The following GALC variants were observed in gnomAD, a reference collection of about 807,000 sequenced individuals.
GALC encodes galactocerebrosidase.
A neutral mutation model predicts 91.8 loss-of-function variants in GALC; 77 were observed. The observed-to-expected ratio is 0.84, with a 90% CI of 0.70 to 1.01. The LOEUF (loss-of-function observed/expected upper bound fraction) is 1.01. Ranked by LOEUF, GALC falls within the 50% of genes least tolerant of loss-of-function variation. The pLI, the probability that GALC is intolerant of heterozygous loss-of-function variation, is 0.00. For synonymous variants in GALC, 357 were observed against 306.7 expected, an observed-to-expected ratio of 1.16 and a Z score of -1.71; for missense variants, 882 against 855.9, an observed-to-expected ratio of 1.03 and a Z score of -0.38.
intron 2 of GALC, 90 bp from the exon 3 acceptor site, chr14:87,988,297 CA>C: frequency 7.4e-7 from 1 of 1,359,164 alleles, no homozygotes. Flanking sequence ...TTTACAGACG[CA>C]AAAACAAAAG....
intron 11 of GALC, among the ~76,000 whole-genome samples, 189 bp from the exon 12 acceptor site, chr14:87,950,120 TCTAAACA>T (rs1436508073): frequency 6.6e-6 from 1 of 152,030 alleles, no homozygotes; most frequent in Non-Finnish European, 1.5e-5. Context: ...TACTTTATTC[TCTAAACA>T]CTAAAGAATT....
In GALC at chr14:87,937,148, A is replaced by C. The variant is rs115256851; in HGVS notation, c.1912-2270T>G. Among the ~76,000 whole-genome samples the C allele has an allele frequency of 4.3e-3, 657 of 151,774 alleles. 4 individuals carry two copies. Among genetic ancestry groups the C allele is most frequent in the African/African-American group, 0.015 (623 of 41,406 alleles). Reference sequence around the variant, plus strand: ...AATCCTCACATTAGCTGTAATTTGGAATATGGGCAACATAGAAGATGATGT... The same window carrying C: ...AATCCTCACATTAGCTGTAATTTGGCATATGGGCAACATAGAAGATGATGT... On this transcript the variant is annotated intron_variant, in intron 16 of 16. Transcript: ENST00000261304.
intron 10 of GALC, among the ~76,000 whole-genome samples, chr14:87,962,590 C>T (rs1885852727): frequency 2.9e-5 from 1 of 34,936 alleles, no homozygotes; most frequent in South Asian, 6.8e-4. Flanking sequence ...CACACACACA[C>T]ACACACACAC....
At chr14:87,992,053 T>C (rs920934440) in intron 1 of GALC, among the ~76,000 whole-genome samples, 2 of 151,918 alleles carry the variant, frequency 1.3e-5, no homozygotes, top group Non-Finnish European at 2.9e-5. Flanking sequence ...AATGAAAACA[T>C]AAAAATCAAA....
intron 13 of GALC, among the ~76,000 whole-genome samples, chr14:87,946,147 C>A (rs1885062408): frequency 6.6e-6 from 1 of 151,960 alleles, no homozygotes; most frequent in African/African-American, 2.4e-5. Context: ...CAGCACCTGG[C>A]AAGGGCTCAA....
In GALC at chr14:87,934,498, T is replaced by A. The variant is rs914585505; in HGVS notation, c.*234A>T. The stretch of plus-strand genomic sequence containing the variant: ...GGGTATGGCCAATGCACAGTTTGAA[T>A]GTTAGGGAACACACCAGGTAATGTT... On this transcript the variant is annotated 3_prime_UTR_variant, in exon 17 of 17. Transcript: ENST00000261304. 1.4e-6 allele frequency: 2 copies of A among 1,403,794 alleles called. No homozygotes were observed. Among genetic ancestry groups the A allele is most frequent in the African/African-American group, 1.4e-5 (1 of 69,040 alleles). 87.0% of individuals were successfully genotyped at this position (1,403,794 alleles called of 1,614,324 possible). A position where few individuals can be genotyped will look rare whatever the true frequency, so the allele number is the denominator to read the frequency against.
At position 87,941,572 on chromosome 14, in the gene GALC, C is replaced by T. The variant is rs749724769; in HGVS notation, c.1671-14G>A. On this transcript the variant is annotated splice_polypyrimidine_tract_variant and intron_variant, in intron 14 of 16. Transcript: ENST00000261304. ...GTCAGATTGGTCCTGCAAAATAAAA[C>T]GGTTGATTAGTACTCTTTAAAATAT... 3.3e-6 allele frequency: 5 copies of T among 1,522,676 alleles called. No individual in the cohort carries two copies. Among genetic ancestry groups the T allele is most frequent in the East Asian group, 2.3e-5 (1 of 44,336 alleles). 94.3% of individuals were successfully genotyped at this position (1,522,676 alleles called of 1,614,324 possible). A position where few individuals can be genotyped will look rare whatever the true frequency, so the allele number is the denominator to read the frequency against.
intron 10 of GALC, chr14:87,953,990 T>C: frequency 3.7e-6 from 6 of 1,609,436 alleles, no homozygotes; most frequent in Non-Finnish European, 5.1e-6. Flanking sequence ...CAGTGTTTCT[T>C]GGAGATATAA....
intron 11 of GALC, 40 bp from the exon 12 acceptor site, chr14:87,949,971 T>C (rs773552674): frequency 3.0e-6 from 3 of 984,852 alleles, no homozygotes; most frequent in Non-Finnish European, 4.9e-6. Flanking sequence ...GAGTAATTCA[T>C]CACATCCTCT....
chr14:87,967,518 T>C (rs77463057), intron 8 of GALC, among the ~76,000 whole-genome samples: 17,156 of 152,184 alleles, frequency 0.11, 1,124 homozygotes, highest in Non-Finnish European at 0.16. Flanking sequence ...TATTGGTTTG[T>C]TTTTGTTCTA....
intron 4 of GALC, 98 bp from the exon 5 acceptor site, chr14:87,984,631 G>A (rs765211728): frequency 6.7e-6 from 8 of 1,191,420 alleles, no homozygotes; most frequent in Admixed American, 2.0e-5. Flanking sequence ...CATTCAACTA[G>A]CAAAAAACCA....
intron 7 of GALC, among the ~76,000 whole-genome samples, chr14:87,976,125 A>G (rs1886482043): frequency 6.6e-6 from 1 of 152,224 alleles, no homozygotes; most frequent in Non-Finnish European, 1.5e-5. Context: ...TTATTATTCC[A>G]AACATCAACA....
chr14:87,956,041 C>T (rs1042268480), intron 10 of GALC, among the ~76,000 whole-genome samples: 1 of 151,392 alleles, frequency 6.6e-6, no homozygotes, highest in Non-Finnish European at 1.5e-5. Context: ...AACTTCAAAC[C>T]ACCCCTGAAA....
At position 87,933,818 on chromosome 14, in the gene GALC, G is replaced by A. The variant is rs1018308602; in HGVS notation, c.*914C>T. On this transcript the variant is annotated 3_prime_UTR_variant, in exon 17 of 17. Transcript: ENST00000261304. ...CATCTTAGGAGATGATCCAATTCTG[G>A]GAGTTAGCAAATGTCTAAGTGCTCC... 2.4e-5 allele frequency: 14 copies of A among 578,100 alleles called. No homozygotes were observed. The African/African-American group carries it at 2.6e-4, about 11-fold the overall frequency. 35.8% of individuals were successfully genotyped at this position (578,100 alleles called of 1,614,324 possible).
chr14:87,970,730 G>A (rs193252500), intron 7 of GALC, among the ~76,000 whole-genome samples: 5 of 151,076 alleles, frequency 3.3e-5, no homozygotes, highest in Admixed American at 6.6e-5. Flanking sequence ...TTAGCCAGGC[G>A]TGGAGGTGTG....
chr14:87,975,295 C>T (rs1886449278), intron 7 of GALC, among the ~76,000 whole-genome samples: 1 of 151,908 alleles, frequency 6.6e-6, no homozygotes, highest in African/African-American at 2.4e-5. Flanking sequence ...AGAAAAAGAG[C>T]AAGAACATAA....
Position 87,991,644 on chromosome 14 carries a change from T to C in GALC, c.195+1326A>G, listed in dbSNP as rs1323854383. On this transcript the variant is annotated intron_variant, in intron 1 of 16. Transcript: ENST00000261304. ...AGAAGTTTAAAGTGGTATGCAAATA[T>C]AATGTTGCAAGAATTTTCATTATTT... Among the ~76,000 whole-genome samples, 3 of 152,210 alleles carry C rather than the reference T, an allele frequency of 2.0e-5. No individual in the cohort carries two copies. In the East Asian group the frequency reaches 5.8e-4, roughly 29 times the overall value.
intron 10 of GALC, chr14:87,953,208 T>TA (rs1268272869): frequency 3.3e-6 from 5 of 1,501,536 alleles, no homozygotes; most frequent in Non-Finnish European, 4.6e-6. Context: ...TGTCAACTGA[T>TA]ACGGAATTTC....
At chr14:87,992,491 C>A in intron 1 of GALC, 1 of 1,532,320 alleles carries the variant, frequency 6.5e-7, no homozygotes, top group Non-Finnish European at 8.7e-7. Context: ...CGGGACTTAA[C>A]GACTCCACCA....
Sources: allele counts gnomAD v4.1 joint callset (sites outside exome capture counted in the v4.1 genomes callset), GRCh38; gene constraint gnomAD v4.1.1; transcripts MANE v1.5; gene names NCBI Gene and HGNC (gene_info 2026-07-23, HGNC 2026-07-21).